AHI1: variants seen among roughly 807,000 people sequenced by gnomAD.
AHI1 encodes the protein Abelson helper integration site 1.
Under a neutral mutation model 149.3 loss-of-function variants are expected in AHI1, and 123 were observed. The observed-to-expected ratio is 0.82, with a 90% CI of 0.71 to 0.96. The LOEUF is 0.96. Among genes scored for constraint, AHI1 ranks in the 40% least tolerant of loss-of-function variants. The pLI is 0.00. For missense variants in AHI1, 1,439 were observed against 1,422.7 expected (o/e 1.01, Z -0.18); for synonymous variants, 475 against 459.8 (o/e 1.03, Z -0.42).
chr6:135,371,514 T>C (rs1775057330), intron 23 of AHI1, among the ~76,000 whole-genome samples: 1 of 152,204 alleles, frequency 6.6e-6, no homozygotes, highest in Non-Finnish European at 1.5e-5. Flanking sequence ...TCCCGGGACT[T>C]GATAAACCCT....
Position 135,497,735 on chromosome 6 carries a change from C to T in AHI1, c.-354G>A, listed in dbSNP as rs1003824054. 11 of 181,064 alleles carry T rather than the reference C, an allele frequency of 6.1e-5. No homozygotes were observed. Among genetic ancestry groups the T allele is most frequent in the African/African-American group, 1.4e-4 (6 of 41,738 alleles). The allele number at this position is 181,064 out of a possible 1,614,324, so 11.2% of individuals were successfully genotyped here. ...CCCGTGTCCTGAAAGCAAGCCGCGG[C>T]TCTGTGCCGCAGTGCGGACAGCGCG... On this transcript the variant is annotated 5_prime_UTR_variant, in exon 1 of 29. Coordinates refer to ENST00000265602, the MANE Select transcript of AHI1 (RefSeq NM_001134831.2).
At chr6:135,405,237 T>TG (rs1259393352) in intron 21 of AHI1, among the ~76,000 whole-genome samples, 1 of 152,184 alleles carries the variant, frequency 6.6e-6, no homozygotes, top group Non-Finnish European at 1.5e-5. Flanking sequence ...AAGAAAAACT[T>TG]GCTCTTCAAT....
At chr6:135,296,984 A>T (rs986082811) in intron 27 of AHI1, among the ~76,000 whole-genome samples, 1 of 152,230 alleles carries the variant, frequency 6.6e-6, no homozygotes, top group Non-Finnish European at 1.5e-5. Context: ...TACCTAGTAT[A>T]GCACCTAGAA....
At chr6:135,392,660 AT>A (rs148947380) in intron 23 of AHI1, among the ~76,000 whole-genome samples, 1,573 of 152,316 alleles carry the variant, frequency 0.01, 33 homozygotes, top group African/African-American at 0.036. Context: ...CTAATAGATT[AT>A]TCGTACAATC....
rs200627332 is a variant in AHI1 at position 135,490,583 on chromosome 6, G to A, written c.135+40C>T. 1.9e-4 allele frequency: 301 copies of A among 1,609,914 alleles called. 1 individual carries two copies. The highest frequency in any genetic ancestry group is 3.9e-4 in the South Asian group (35 of 90,238). On this transcript the variant is annotated intron_variant, in intron 5 of 28. Coordinates refer to ENST00000265602, the MANE Select transcript of AHI1 (RefSeq NM_001134831.2). ...ATGCAGCCATATCTGCATTTTATGC[G>A]CATATGTAAATCACTATTACCCAAT...
intron 5 of AHI1, among the ~76,000 whole-genome samples, chr6:135,472,018 C>CAAAAAAAAAAAAAAAAAAAAAAA (rs541390652): frequency 7.4e-5 from 4 of 54,418 alleles, no homozygotes; most frequent in Non-Finnish European, 9.3e-5. Context: ...GACTCCGTCT[C>CAAAAAAAAAAAAAAAAAAAAAAA]AAAAAAAAAA....
chr6:135,333,743 G>A (rs776568270), intron 24 of AHI1, among the ~76,000 whole-genome samples: 3 of 152,140 alleles, frequency 2.0e-5, no homozygotes, highest in Non-Finnish European at 4.4e-5. Flanking sequence ...AAGAGAATGA[G>A]TTTCCAGTCC....
chr6:135,463,430 T>C (rs2128093316), intron 7 of AHI1, 124 bp from the exon 8 acceptor site: 2 of 762,034 alleles, frequency 2.6e-6, no homozygotes, highest in Non-Finnish European at 3.9e-6. Flanking sequence ...TTATTGTCTC[T>C]TGAGAGATGC....
chr6:135,441,305 A>C (rs559517286), intron 14 of AHI1, among the ~76,000 whole-genome samples: 1 of 152,186 alleles, frequency 6.6e-6, no homozygotes, highest in Non-Finnish European at 1.5e-5. Context: ...AAAAGAATGA[A>C]GAAAAATAGA....
chr6:135,468,640 GACACAATAA>G (rs1485335541), intron 5 of AHI1, among the ~76,000 whole-genome samples: 2 of 151,904 alleles, frequency 1.3e-5, no homozygotes, highest in African/African-American at 4.8e-5. Flanking sequence ...GAATCAAATA[GACACAATAA>G]AAAATGATAA....
At chr6:135,317,381 T>C (rs1490663357) in intron 26 of AHI1, among the ~76,000 whole-genome samples, 1 of 151,228 alleles carries the variant, frequency 6.6e-6, no homozygotes, top group Non-Finnish European at 1.5e-5. Context: ...GACATAATCA[T>C]ACCATCCCAT....
chr6:135,466,124 CAGG>C lies in AHI1; in HGVS notation c.436_438del (p.Pro146del). ...TGGTGTGTAGAATCAACCTTATTCT[CAGG>C]AGTTTCCGGTTTCAGGTCTTGTGTA... On this transcript the variant is annotated inframe_deletion, in exon 7 of 29. Transcript: ENST00000265602. The C allele has an allele frequency of 6.2e-7, 1 of 1,613,836 alleles. No homozygotes were observed. The highest frequency in any genetic ancestry group is 8.5e-7 in the Non-Finnish European group (1 of 1,179,824).
intron 23 of AHI1, among the ~76,000 whole-genome samples, chr6:135,389,260 G>A (rs1778100291): frequency 7.1e-6 from 1 of 141,152 alleles, no homozygotes; most frequent in African/African-American, 3.0e-5. Flanking sequence ...GCAGTGAGCC[G>A]AGATCGTGCC....
intron 21 of AHI1, among the ~76,000 whole-genome samples, chr6:135,409,252 T>C (rs944172173): frequency 6.6e-6 from 1 of 152,138 alleles, no homozygotes; most frequent in African/African-American, 2.4e-5. Context: ...GTTTTGTATA[T>C]ACACACAAAT....
intron 7 of AHI1, among the ~76,000 whole-genome samples, chr6:135,463,809 T>C (rs1450867395): frequency 6.6e-6 from 1 of 152,074 alleles, no homozygotes; most frequent in Non-Finnish European, 1.5e-5. Context: ...TGGAGTGCAG[T>C]GGTACAATCA....
At chr6:135,457,430 G>T in intron 9 of AHI1, 64 bp downstream of exon 9, 1 of 1,248,198 alleles carries the variant, frequency 8.0e-7, no homozygotes, top group Non-Finnish European at 1.1e-6. Flanking sequence ...AACTACCAAT[G>T]GCAGAAAAAA....
intron 21 of AHI1, among the ~76,000 whole-genome samples, chr6:135,406,284 A>T (rs1312364564): frequency 2.6e-5 from 4 of 152,276 alleles, no homozygotes; most frequent in Non-Finnish European, 4.4e-5. Context: ...TAATTTTTTT[A>T]TCTATAAATT....
intron 17 of AHI1, among the ~76,000 whole-genome samples, chr6:135,430,410 A>G (rs949946501): frequency 1.3e-5 from 2 of 151,944 alleles, no homozygotes; most frequent in East Asian, 1.9e-4. Context: ...TTTAGATAAG[A>G]ATTTCTAACA....
At chr6:135,431,655 A>G (rs1037056957) in intron 16 of AHI1, among the ~76,000 whole-genome samples, 2 of 152,286 alleles carry the variant, frequency 1.3e-5, no homozygotes, top group Admixed American at 1.3e-4. Context: ...ATGTAACATT[A>G]TTTCTCATCT....
Sources: allele counts gnomAD v4.1 joint callset (sites outside exome capture counted in the v4.1 genomes callset), GRCh38; gene constraint gnomAD v4.1.1; transcripts MANE v1.5; gene names NCBI Gene and HGNC (gene_info 2026-07-23, HGNC 2026-07-21).